Variants in SLC44A1 observed in about 807,000 individuals in gnomAD.
SLC44A1 encodes the protein choline transporter-like protein 1.
Under a neutral mutation model 79.3 loss-of-function variants are expected in SLC44A1, and 26 were observed. The ratio of observed to expected loss-of-function variants is 0.33; its 90% CI spans 0.24 to 0.46. The LOEUF is 0.46. SLC44A1 is among the 20% of genes least tolerant of loss of function. The pLI, the probability that SLC44A1 is intolerant of heterozygous loss-of-function variation, is 1.00. For missense variants in SLC44A1, 688 were observed against 798.1 expected (o/e 0.86, Z 1.66); for synonymous variants, 263 against 286.2 (o/e 0.92, Z 0.82).
intron 11 of SLC44A1, 119 bp downstream of exon 11, chr9:105,365,758 A>C: frequency 9.4e-7 from 1 of 1,062,654 alleles, no homozygotes; most frequent in East Asian, 2.4e-5. Flanking sequence ...AGTCTTTACA[A>C]GGCAAAATCC....
At chr9:105,300,085 G>C (rs1003522106) in intron 2 of SLC44A1, 5 of 252,412 alleles carry the variant, frequency 2.0e-5, no homozygotes, top group African/African-American at 1.2e-4. Context: ...CTGATATTTA[G>C]AAGTAGAAAG....
intron 1 of SLC44A1, among the ~76,000 whole-genome samples, chr9:105,265,507 A>G (rs911035036): frequency 1.3e-5 from 2 of 152,196 alleles, no homozygotes; most frequent in Non-Finnish European, 2.9e-5. Context: ...CCATTATATG[A>G]ATATATCATA....
Position 105,383,214 on chromosome 9 carries a change from T to C in SLC44A1, c.1724T>C (p.Val575Ala), listed in dbSNP as rs752462919. ...YTVWVLPLII[V>A]CLFAFLVAHC... ...GTATGGGTGCTGCCTCTGATCATCG[T>C]CTGCCTCTTTGCTTTCCTAGTCGCT... The change falls in exon 14 of 16, where the codon GTC (valine) becomes GCC (alanine). Residue 575 changes from valine (V) to alanine (A), a missense_variant. Coordinates refer to ENST00000374720, the MANE Select transcript of SLC44A1 (RefSeq NM_080546.5). The C allele has an allele frequency of 1.1e-5, 17 of 1,614,170 alleles. No homozygotes were observed. Among genetic ancestry groups the C allele is most frequent in the Non-Finnish European group, 8.5e-6 (10 of 1,179,992 alleles).
chr9:105,352,701 T>C (rs927099074), intron 5 of SLC44A1, among the ~76,000 whole-genome samples: 12 of 152,140 alleles, frequency 7.9e-5, no homozygotes, highest in African/African-American at 2.9e-4. Flanking sequence ...GTAGAAATGA[T>C]CTCGTAATAC....
chr9:105,315,065 G>A (rs1831283719), intron 3 of SLC44A1, among the ~76,000 whole-genome samples: 1 of 152,044 alleles, frequency 6.6e-6, no homozygotes, highest in Admixed American at 6.5e-5. Context: ...TTTGCTTTGG[G>A]AGTTTCTCCC....
downstream of SLC44A1, among the ~76,000 whole-genome samples, chr9:105,399,809 T>C (rs1283743191): frequency 6.6e-6 from 1 of 152,178 alleles, no homozygotes; most frequent in East Asian, 1.9e-4. Context: ...TTCTTAGACA[T>C]CTTAAAATAT....
rs372282533 is a variant in SLC44A1 at position 105,310,945 on chromosome 9, T to C, written c.269+1079T>C. ...TAGCATGTGATACCACCCTGTGAGGTAGGTGAAACAGAGGCTTGGAAGATT... is the reference window on the plus strand; with the variant it reads ...TAGCATGTGATACCACCCTGTGAGGCAGGTGAAACAGAGGCTTGGAAGATT... On this transcript the variant is annotated intron_variant, in intron 3 of 15. Transcript: ENST00000374720. Among the ~76,000 whole-genome samples the C allele has an allele frequency of 2.0e-4, 31 of 152,252 alleles. No homozygotes were observed. In the South Asian group the frequency reaches 5.8e-3, roughly 28 times the overall value.
intron 3 of SLC44A1, among the ~76,000 whole-genome samples, chr9:105,327,191 C>CT (rs1270119501): frequency 6.6e-6 from 1 of 152,204 alleles, no homozygotes; most frequent in African/African-American, 2.4e-5. Flanking sequence ...TGGCCAGTCT[C>CT]TTTTCTCTTG....
Position 105,391,303 on chromosome 9 carries a change from G to C in SLC44A1, c.*2247G>C. On this transcript the variant is annotated 3_prime_UTR_variant, in exon 16 of 16. Transcript: ENST00000374720. ...GCTTTCTAATTATCATTTGCAACTA[G>C]AACTGTAATCAGAAAGAAATTTTGT... 1.0e-6 allele frequency: 1 copy of C among 985,746 alleles called. No homozygotes were observed. 61.1% of individuals were successfully genotyped at this position (985,746 alleles called of 1,614,324 possible).
At chr9:105,270,165 A>G (rs1830046806) in intron 1 of SLC44A1, among the ~76,000 whole-genome samples, 1 of 151,884 alleles carries the variant, frequency 6.6e-6, no homozygotes, top group Non-Finnish European at 1.5e-5. Flanking sequence ...ACTGTCATGG[A>G]ACTCAGTGAT....
In SLC44A1 at chr9:105,375,550, T is replaced by A. The variant is rs1038995330; in HGVS notation, c.1632+815T>A. ...TAATAGTGCCAAACTCCTAGGGTCA[T>A]GAGATTAATGCATTGTTAATACATG... On this transcript the variant is annotated intron_variant, in intron 13 of 15. Coordinates refer to ENST00000374720, the MANE Select transcript of SLC44A1 (RefSeq NM_080546.5). 4.6e-5 allele frequency among the ~76,000 whole-genome samples: 7 copies of A among 152,004 alleles called. No homozygotes were observed. The East Asian group carries it at 5.8e-4, about 13-fold the overall frequency.
intron 13 of SLC44A1, among the ~76,000 whole-genome samples, chr9:105,375,900 AT>A (rs372506018): frequency 6.6e-5 from 10 of 150,566 alleles, no homozygotes; most frequent in South Asian, 4.2e-4. Context: ...AATTCTTCCC[AT>A]TTTTTTTTAT....
rs1252693345 is a variant in SLC44A1, at chr9:105,348,363, G to A, written c.412G>A (p.Ala138Thr). 1 of 1,596,122 alleles carries A rather than the reference G, an allele frequency of 6.3e-7. No individual in the cohort carries two copies. Among genetic ancestry groups the A allele is most frequent in the African/African-American group, 1.3e-5 (1 of 74,520 alleles). Residue 138 changes from alanine (A) to threonine (T), a missense_variant, in exon 5 of 16, where the codon GCC becomes ACC. Ala to Thr is a moderately conservative substitution (Grantham distance 58). Coordinates refer to ENST00000374720, the MANE Select transcript of SLC44A1 (RefSeq NM_080546.5). ...CATAATTTTTCTTTCAACAGGTTCA[G>A]CCCTATGTAGCTACAACCTAAAGCC... ...VQKFAEINGS[A>T]LCSYNLKPSE...
At chr9:105,435,028 CCCCAGCTACTCA>C (rs1230313473) in intron 15 of SLC44A1, among the ~76,000 whole-genome samples, 1 of 151,950 alleles carries the variant, frequency 6.6e-6, no homozygotes, top group Non-Finnish European at 1.5e-5. Flanking sequence ...GGGCCTGTAG[CCCCAGCTACTCA>C]GAAGGCTGAG....
At chr9:105,420,706 A>C (rs1166451211) in intron 15 of SLC44A1, among the ~76,000 whole-genome samples, 1 of 151,974 alleles carries the variant, frequency 6.6e-6, no homozygotes, top group African/African-American at 2.4e-5. Flanking sequence ...TACTAAAAAT[A>C]CAAAATTAGC....
At chr9:105,378,442 C>T (rs1828362936) in intron 13 of SLC44A1, among the ~76,000 whole-genome samples, 2 of 152,114 alleles carry the variant, frequency 1.3e-5, no homozygotes, top group Admixed American at 6.5e-5. Context: ...TTTTTACTAA[C>T]CTAAAGCTTG....
At chr9:105,402,782 G>T (rs908434094) in intron 15 of SLC44A1, among the ~76,000 whole-genome samples, 1 of 152,126 alleles carries the variant, frequency 6.6e-6, no homozygotes. Flanking sequence ...TATGTTTTTA[G>T]TGTCTGTTTA....
chr9:105,292,892 G>A (rs757451947), intron 1 of SLC44A1, among the ~76,000 whole-genome samples: 1 of 152,202 alleles, frequency 6.6e-6, no homozygotes, highest in Admixed American at 6.5e-5. Flanking sequence ...ATTTTCTGAA[G>A]CTGGGTCTGG....
chr9:105,359,457 T>C (rs1827718681), intron 7 of SLC44A1, among the ~76,000 whole-genome samples: 1 of 152,202 alleles, frequency 6.6e-6, no homozygotes, highest in African/African-American at 2.4e-5. Flanking sequence ...TAGGCAAATT[T>C]AATTAAGATT....
Sources: allele counts gnomAD v4.1 joint callset (sites outside exome capture counted in the v4.1 genomes callset), GRCh38; gene constraint gnomAD v4.1.1; transcripts MANE v1.5; gene names NCBI Gene and HGNC (gene_info 2026-07-23, HGNC 2026-07-21).